The following ADAMTS3 variants were observed in gnomAD, a reference collection of about 807,000 sequenced individuals.
ADAMTS3 encodes A disintegrin and metalloproteinase with thrombospondin motifs 3.
A neutral mutation model predicts 129.0 loss-of-function variants in ADAMTS3; 73 were observed. The observed-to-expected ratio is 0.57, with a 90% CI of 0.47 to 0.69. The LOEUF is 0.69. Ranked by LOEUF, ADAMTS3 falls within the 30% of genes least tolerant of loss-of-function variation. The probability of loss-of-function intolerance (pLI) is 0.00; values close to 1 mark genes in which losing one functional copy is unlikely to be tolerated. For synonymous variants in ADAMTS3, 477 were observed against 510.8 expected (o/e 0.93, Z 0.89); for missense variants, 1,457 against 1,514.5 (o/e 0.96, Z 0.63).
intron 11 of ADAMTS3, 146 bp from the exon 12 acceptor site, chr4:72,313,968 T>G: frequency 1.2e-6 from 1 of 853,540 alleles, no homozygotes; most frequent in Non-Finnish European, 1.8e-6. Context: ...CAAAAGCAAT[T>G]ATGTCATTAA....
At chr4:72,337,630 T>C (rs988856242) in intron 5 of ADAMTS3, among the ~76,000 whole-genome samples, 1 of 152,152 alleles carries the variant, frequency 6.6e-6, no homozygotes, top group Non-Finnish European at 1.5e-5. Flanking sequence ...ACTAGTAGTA[T>C]GACTAAAACT....
intron 4 of ADAMTS3, among the ~76,000 whole-genome samples, chr4:72,380,656 T>C (rs1721263314): frequency 6.6e-6 from 1 of 152,134 alleles, no homozygotes; most frequent in Non-Finnish European, 1.5e-5. Flanking sequence ...TTTGACATTC[T>C]GTCTTAAGGA....
intron 14 of ADAMTS3, 90 bp from the exon 15 acceptor site, chr4:72,309,610 T>C (rs981163690): frequency 1.5e-5 from 22 of 1,441,978 alleles, no homozygotes; most frequent in East Asian, 2.3e-5. Context: ...TGTTCAGTCA[T>C]GGCCCACAGT....
intron 18 of ADAMTS3, among the ~76,000 whole-genome samples, chr4:72,296,694 CTTATA>C (rs997745176): frequency 2.3e-4 from 35 of 152,186 alleles, no homozygotes; most frequent in African/African-American, 8.4e-4. Flanking sequence ...AGTACATTCT[CTTATA>C]TAACTATAAT....
intron 5 of ADAMTS3, among the ~76,000 whole-genome samples, chr4:72,333,280 A>G (rs934658072): frequency 4.6e-5 from 7 of 152,104 alleles, no homozygotes; most frequent in Admixed American, 3.9e-4. Flanking sequence ...TTCATCAACA[A>G]CCTTAATTCT....
At chr4:72,359,425 C>G (rs1481508898) in intron 4 of ADAMTS3, among the ~76,000 whole-genome samples, 1 of 151,870 alleles carries the variant, frequency 6.6e-6, no homozygotes, top group African/African-American at 2.4e-5. Context: ...GACTATTGTG[C>G]TTTTAACTTT....
chr4:72,460,446 C>G (rs184931931), intron 3 of ADAMTS3, among the ~76,000 whole-genome samples: 1 of 151,390 alleles, frequency 6.6e-6, no homozygotes, highest in South Asian at 2.1e-4. Context: ...AGACACCCCA[C>G]CTGAAATATG....
rs555989394 is a variant in ADAMTS3, at chr4:72,541,602, T to C, written c.504+6876A>G. ...ATTTGTAGCTCCCCTAATCCTCACA[T>C]GTCATGGGAGGTACTCAGTGAGAGG... On this transcript the variant is annotated intron_variant, in intron 3 of 21. Coordinates refer to ENST00000286657, the MANE Select transcript of ADAMTS3 (RefSeq NM_014243.3). 3.3e-5 allele frequency among the ~76,000 whole-genome samples: 5 copies of C among 152,324 alleles called. No individual in the cohort carries two copies. In the South Asian group the frequency reaches 1.0e-3, roughly 32 times the overall value.
intron 3 of ADAMTS3, among the ~76,000 whole-genome samples, chr4:72,454,871 T>C (rs1159848192): frequency 2.6e-5 from 4 of 151,644 alleles, no homozygotes; most frequent in Non-Finnish European, 5.9e-5. Context: ...CTGGTTCTCA[T>C]CAATACTTAG....
chr4:72,365,667 T>A (rs1298384671), intron 4 of ADAMTS3, among the ~76,000 whole-genome samples: 1 of 152,150 alleles, frequency 6.6e-6, no homozygotes, highest in Admixed American at 6.5e-5. Flanking sequence ...ACATAGAGAA[T>A]CCTTTATTTT....
At chr4:72,534,220 A>G (rs373059365) in intron 3 of ADAMTS3, among the ~76,000 whole-genome samples, 4 of 152,206 alleles carry the variant, frequency 2.6e-5, no homozygotes, top group Admixed American at 6.5e-5. Flanking sequence ...CAAGCTACTC[A>G]GGAGGCTGAG....
At chr4:72,411,226 T>A (rs1239301170) in intron 4 of ADAMTS3, among the ~76,000 whole-genome samples, 1 of 152,122 alleles carries the variant, frequency 6.6e-6, no homozygotes, top group African/African-American at 2.4e-5. Flanking sequence ...AATCGTACCA[T>A]ATGACACATT....
At chr4:72,338,671 T>C (rs1435671138) in intron 5 of ADAMTS3, among the ~76,000 whole-genome samples, 1 of 151,890 alleles carries the variant, frequency 6.6e-6, no homozygotes, top group African/African-American at 2.4e-5. Context: ...GGTTGAGAGA[T>C]AGGGAAATAA....
chr4:72,283,215 G>A lies in ADAMTS3; in HGVS notation c.3539C>T (p.Ser1180Phe). Residue 1180 changes from serine (S) to phenylalanine (F), a missense_variant, in exon 22 of 22, where the codon TCT becomes TTT. Physicochemically the swap from Ser to Phe is radical, Grantham distance 155 (BLOSUM62 -2). Coordinates refer to ENST00000286657, the MANE Select transcript of ADAMTS3 (RefSeq NM_014243.3). Reference sequence around the variant, plus strand: ...ATCTTTCTTTGAGGTTCTTGCCTGAGAAGAAGCACCTATTGAATCACTGGC... The same window carrying A: ...ATCTTTCTTTGAGGTTCTTGCCTGAAAAGAAGCACCTATTGAATCACTGGC... ...FAASDSIGAS[S>F]QARTSKKDGK... 6.2e-7 allele frequency: 1 copy of A among 1,613,990 alleles called. No homozygotes were observed. The highest frequency in any genetic ancestry group is 8.5e-7 in the Non-Finnish European group (1 of 1,179,948).
chr4:72,321,142 G>C (rs1719543643), intron 6 of ADAMTS3, among the ~76,000 whole-genome samples: 1 of 152,042 alleles, frequency 6.6e-6, no homozygotes, highest in African/African-American at 2.4e-5. Flanking sequence ...AATTTTACCT[G>C]TGGGAAAGTC....
At chr4:72,568,298 C>T (rs1404165669) in intron 1 of ADAMTS3, among the ~76,000 whole-genome samples, 3 of 152,186 alleles carry the variant, frequency 2.0e-5, no homozygotes, top group Non-Finnish European at 4.4e-5. Context: ...CTGGCGGCAG[C>T]AGCCAGAGCG....
chr4:72,421,419 A>G (rs1263188019), intron 3 of ADAMTS3, among the ~76,000 whole-genome samples: 1 of 152,218 alleles, frequency 6.6e-6, no homozygotes, highest in Non-Finnish European at 1.5e-5. Context: ...AAGTAGGTGC[A>G]TAACACTTGA....
At chr4:72,549,799 C>A in intron 2 of ADAMTS3, among the ~76,000 whole-genome samples, 1 of 151,282 alleles carries the variant, frequency 6.6e-6, no homozygotes, top group Non-Finnish European at 1.5e-5. Flanking sequence ...AGCACTTAAA[C>A]CCCTGGCTTA....
intron 3 of ADAMTS3, among the ~76,000 whole-genome samples, chr4:72,430,857 G>A (rs1668595729): frequency 6.7e-6 from 1 of 150,260 alleles, no homozygotes; most frequent in African/African-American, 2.4e-5. Flanking sequence ...GAAAAAGTCT[G>A]GCTGGAATAG....
Sources: allele counts gnomAD v4.1 joint callset (sites outside exome capture counted in the v4.1 genomes callset), GRCh38; gene constraint gnomAD v4.1.1; transcripts MANE v1.5; gene names NCBI Gene and HGNC (gene_info 2026-07-23, HGNC 2026-07-21).